WWOX: variants seen among roughly 807,000 people sequenced by gnomAD.
WWOX encodes WW domain containing oxidoreductase.
In WWOX, 69 loss-of-function variants were observed where a neutral mutation model predicts 46.2. The ratio of observed to expected loss-of-function variants is 1.49; its 90% CI spans 1.23 to 1.82. The LOEUF is 1.82. WWOX is among the 40% of genes most tolerant of loss of function. The pLI, the probability that WWOX is intolerant of heterozygous loss-of-function variation, is 0.00. For synonymous variants in WWOX, 359 were observed against 202.6 expected, an observed-to-expected ratio of 1.77 and a Z score of -6.56; for missense variants, 919 against 542.6, an observed-to-expected ratio of 1.69 and a Z score of -6.89.
At chr16:78,492,507 A>G (rs1367495549) in intron 8 of WWOX, among the ~76,000 whole-genome samples, 3 of 152,132 alleles carry the variant, frequency 2.0e-5, no homozygotes, top group Admixed American at 1.3e-4. Context: ...ACACTCATTC[A>G]TCTACATCTA....
intron 8 of WWOX, among the ~76,000 whole-genome samples, chr16:79,024,759 A>G (rs2047604197): frequency 6.6e-6 from 1 of 152,116 alleles, no homozygotes; most frequent in African/African-American, 2.4e-5. Context: ...TTTCATGGAG[A>G]CAGGGTCTCA....
At chr16:78,200,368 T>C (rs1027680051) in intron 5 of WWOX, among the ~76,000 whole-genome samples, 2 of 150,618 alleles carry the variant, frequency 1.3e-5, no homozygotes, top group Non-Finnish European at 2.9e-5. Context: ...CTTACAACAA[T>C]AGGAAAAGAA....
chr16:79,006,115 G>A (rs376998144), intron 8 of WWOX, among the ~76,000 whole-genome samples: 17 of 152,164 alleles, frequency 1.1e-4, no homozygotes, highest in Non-Finnish European at 1.5e-5. Flanking sequence ...GTGGGGTGAG[G>A]GTGGCAGTGG....
At chr16:79,176,985 G>C (rs80296420) in intron 8 of WWOX, among the ~76,000 whole-genome samples, 1 of 152,090 alleles carries the variant, frequency 6.6e-6, no homozygotes, top group African/African-American at 2.4e-5. Flanking sequence ...ACAATGAATA[G>C]ATGTATAATA....
Position 78,819,690 on chromosome 16 carries a change from A to G in WWOX, c.1056+386938A>G, listed in dbSNP as rs116888657. Among the ~76,000 whole-genome samples the G allele has an allele frequency of 3.6e-3, 543 of 152,324 alleles. 18 individuals are homozygous for G. In the East Asian group the frequency reaches 0.094, roughly 26 times the overall value. On this transcript the variant is annotated intron_variant, in intron 8 of 8. Transcript: ENST00000566780. ...CTTGCCCTTGAATTCTTTCCTGGGC[A>G]AAGCCAAGAACCCTGTTGGCCTAAG...
intron 8 of WWOX, among the ~76,000 whole-genome samples, chr16:78,925,319 C>G (rs1352115279): frequency 6.6e-6 from 1 of 152,158 alleles, no homozygotes; most frequent in Non-Finnish European, 1.5e-5. Flanking sequence ...CCCTCAACTG[C>G]CCGGATGATA....
chr16:78,496,674 G>A (rs541526243), intron 8 of WWOX, among the ~76,000 whole-genome samples: 44 of 152,312 alleles, frequency 2.9e-4, no homozygotes, highest in African/African-American at 1.0e-3. Flanking sequence ...TTTACTCGTG[G>A]TTTCAGGTGT....
At chr16:78,621,768 C>G (rs974049878) in intron 8 of WWOX, among the ~76,000 whole-genome samples, 5 of 151,576 alleles carry the variant, frequency 3.3e-5, no homozygotes, top group African/African-American at 4.8e-5. Context: ...CCATGCCTGG[C>G]TAATTTTTTG....
intron 8 of WWOX, among the ~76,000 whole-genome samples, chr16:78,871,354 C>T (rs979609108): frequency 6.6e-6 from 1 of 152,108 alleles, no homozygotes; most frequent in Non-Finnish European, 1.5e-5. Flanking sequence ...GAACTTGAGC[C>T]TCGATGCCTG....
intron 8 of WWOX, among the ~76,000 whole-genome samples, chr16:78,796,020 G>A (rs772365051): frequency 6.6e-6 from 1 of 152,068 alleles, no homozygotes; most frequent in Non-Finnish European, 1.5e-5. Context: ...GACCCACTAA[G>A]GAAGTTTGTG....
intron 6 of WWOX, among the ~76,000 whole-genome samples, chr16:78,392,590 C>T (rs939754946): frequency 6.6e-6 from 1 of 152,062 alleles, no homozygotes; most frequent in Non-Finnish European, 1.5e-5. Flanking sequence ...AATTTGGAAA[C>T]CTCTGCTCTA....
At chr16:78,635,197 G>C (rs1220090790) in intron 8 of WWOX, among the ~76,000 whole-genome samples, 2 of 152,174 alleles carry the variant, frequency 1.3e-5, no homozygotes, top group South Asian at 2.1e-4. Context: ...CTCAGGATTT[G>C]CTGGGGTCTG....
intron 8 of WWOX, among the ~76,000 whole-genome samples, chr16:78,873,676 G>A (rs981531721): frequency 6.6e-6 from 1 of 152,150 alleles, no homozygotes; most frequent in Non-Finnish European, 1.5e-5. Flanking sequence ...TGTCATCCCA[G>A]CTACTTGGGA....
At chr16:78,663,491 G>A (rs2047263632) in intron 8 of WWOX, among the ~76,000 whole-genome samples, 1 of 152,092 alleles carries the variant, frequency 6.6e-6, no homozygotes, top group African/African-American at 2.4e-5. Flanking sequence ...GGTTACTTCT[G>A]GCTCTTATGG....
rs114153547 is a variant in WWOX, at chr16:79,068,225, A to G, written c.1057-143383A>G. ...ATAAAAATAGTAGCAACGGTAACTA[A>G]TGATGTTTATGAACTGCCTAAGAAT... On this transcript the variant is annotated intron_variant, in intron 8 of 8. Transcript: ENST00000566780. 3.6e-3 allele frequency among the ~76,000 whole-genome samples: 554 copies of G among 152,312 alleles called. 8 individuals carry two copies. The highest frequency in any genetic ancestry group is 0.013 in the African/African-American group (537 of 41,562).
At chr16:78,923,745 G>A (rs568241305) in intron 8 of WWOX, among the ~76,000 whole-genome samples, 5 of 134,644 alleles carry the variant, frequency 3.7e-5, no homozygotes, top group Admixed American at 1.4e-4. Flanking sequence ...GGATTCACAA[G>A]TTTCACAAGT....
chr16:78,923,244 G>A (rs2045420969), intron 8 of WWOX, among the ~76,000 whole-genome samples: 1 of 152,094 alleles, frequency 6.6e-6, no homozygotes, highest in Admixed American at 6.6e-5. Flanking sequence ...GCCTCCCAAA[G>A]CACTGGGATT....
intron 8 of WWOX, among the ~76,000 whole-genome samples, chr16:79,029,778 G>A (rs567993650): frequency 2.0e-5 from 3 of 152,042 alleles, no homozygotes; most frequent in African/African-American, 4.8e-5. Flanking sequence ...ATTGTACCCT[G>A]GATTTATTGG....
chr16:78,725,519 G>A (rs1482476621), intron 8 of WWOX, among the ~76,000 whole-genome samples: 1 of 149,622 alleles, frequency 6.7e-6, no homozygotes, highest in South Asian at 2.1e-4. Context: ...GGCTAATTTT[G>A]TATTTTTAGT....
Sources: gnomAD v4.1 joint callset for allele counts (sites outside exome capture counted in the v4.1 genomes callset) on GRCh38, gnomAD v4.1.1 for gene constraint, MANE v1.5 for transcripts, NCBI Gene and HGNC (gene_info 2026-07-23, HGNC 2026-07-21) for gene names.